The following SYNPR variants were observed in gnomAD, a reference collection of about 807,000 sequenced individuals.
SYNPR encodes synaptoporin.
A neutral mutation model predicts 32.9 loss-of-function variants in SYNPR; 23 were observed. The observed-to-expected ratio is 0.70, with a 90% CI of 0.50 to 0.99. SYNPR has a LOEUF of 0.99. Among genes scored for constraint, SYNPR ranks in the 50% least tolerant of loss-of-function variants. The pLI is 0.00. For missense variants in SYNPR, 318 were observed against 349.3 expected (o/e 0.91, Z 0.71); for synonymous variants, 146 against 135.9 (o/e 1.07, Z -0.52).
intron 2 of SYNPR, among the ~76,000 whole-genome samples, chr3:63,420,248 C>T (rs1699763689): frequency 6.6e-6 from 1 of 151,942 alleles, no homozygotes; most frequent in Admixed American, 6.6e-5. Context: ...GCATAAAATA[C>T]AGGAAAGGCC....
At chr3:63,422,527 T>A (rs1445706531) in intron 2 of SYNPR, among the ~76,000 whole-genome samples, 2 of 152,230 alleles carry the variant, frequency 1.3e-5, no homozygotes, top group African/African-American at 4.8e-5. Flanking sequence ...TATAAGCATT[T>A]CTTAAAATTC....
chr3:63,418,313 C>T (rs1475947592), intron 2 of SYNPR, among the ~76,000 whole-genome samples: 1 of 152,162 alleles, frequency 6.6e-6, no homozygotes, highest in Non-Finnish European at 1.5e-5. Context: ...GCCTAGATTT[C>T]ATTGTCCCTA....
chr3:63,396,250 C>T (rs2088211149), intron 2 of SYNPR, among the ~76,000 whole-genome samples: 2 of 152,180 alleles, frequency 1.3e-5, no homozygotes, highest in South Asian at 4.1e-4. Flanking sequence ...TCATCCATAT[C>T]ACAAGGTTCC....
At chr3:63,588,520 A>T (rs1466035443) in intron 4 of SYNPR, among the ~76,000 whole-genome samples, 2 of 152,042 alleles carry the variant, frequency 1.3e-5, no homozygotes, top group Non-Finnish European at 2.9e-5. Flanking sequence ...AGTCCCCAAA[A>T]TATTTCAGAA....
rs894629897 is a variant in SYNPR, at chr3:63,508,590, T to A, written c.209+27634T>A. On this transcript the variant is annotated intron_variant, in intron 3 of 5. Transcript: ENST00000478300. ...AAGACAAAACTCCCTAACTCAACCA[T>A]CAGAGCAGAAAGTGACTTCCTCCTG... Among the ~76,000 whole-genome samples, 3 of 152,102 alleles carry A rather than the reference T, an allele frequency of 2.0e-5. No individual in the cohort carries two copies. In the East Asian group the frequency reaches 5.8e-4, roughly 29 times the overall value.
At chr3:63,612,279 C>T (rs541152448) in intron 5 of SYNPR, among the ~76,000 whole-genome samples, 1 of 152,278 alleles carries the variant, frequency 6.6e-6, no homozygotes, top group African/African-American at 2.4e-5. Flanking sequence ...CAATACATGT[C>T]AACTGAAAAT....
chr3:63,309,999 A>C (rs1290085069), intron 2 of SYNPR, among the ~76,000 whole-genome samples: 2 of 150,956 alleles, frequency 1.3e-5, no homozygotes, highest in Non-Finnish European at 3.0e-5. Flanking sequence ...CTGTGTACCC[A>C]CTCTTCAGCC....
intron 2 of SYNPR, among the ~76,000 whole-genome samples, chr3:63,404,642 G>T (rs2088335978): frequency 6.6e-6 from 1 of 151,760 alleles, no homozygotes; most frequent in Admixed American, 6.6e-5. Flanking sequence ...CAAATAACTT[G>T]TATGATCATG....
intron 1 of SYNPR, among the ~76,000 whole-genome samples, chr3:63,249,469 T>C (rs527641646): frequency 3.3e-5 from 5 of 152,288 alleles, no homozygotes; most frequent in Non-Finnish European, 5.9e-5. Flanking sequence ...TTAAGCTATG[T>C]GGGCAAGGAT....
intron 4 of SYNPR, among the ~76,000 whole-genome samples, chr3:63,600,558 C>T (rs965130449): frequency 5.3e-5 from 8 of 151,902 alleles, no homozygotes; most frequent in Non-Finnish European, 1.2e-4. Flanking sequence ...AATCCCCTAA[C>T]TGCCATAATC....
chr3:63,578,742 T>A (rs1703036804), intron 4 of SYNPR, among the ~76,000 whole-genome samples: 1 of 152,120 alleles, frequency 6.6e-6, no homozygotes, highest in African/African-American at 2.4e-5. Context: ...ACAAGGTAAA[T>A]AGAGCCCAGA....
At chr3:63,613,827 A>C (rs1016812818) in intron 5 of SYNPR, among the ~76,000 whole-genome samples, 1 of 152,156 alleles carries the variant, frequency 6.6e-6, no homozygotes, top group Non-Finnish European at 1.5e-5. Context: ...AAACAAAAAC[A>C]AAAATGAAGT....
At chr3:63,376,154 A>G (rs750816221) in intron 2 of SYNPR, among the ~76,000 whole-genome samples, 5 of 152,116 alleles carry the variant, frequency 3.3e-5, no homozygotes, top group Non-Finnish European at 5.9e-5. Context: ...TCCTAGCCCA[A>G]ACCATTGCCA....
chr3:63,572,113 G>A (rs1206916062), intron 4 of SYNPR, among the ~76,000 whole-genome samples: 1 of 152,174 alleles, frequency 6.6e-6, no homozygotes, highest in Non-Finnish European at 1.5e-5. Context: ...ATACATCTGT[G>A]TGAGTGTTCT....
intron 1 of SYNPR, among the ~76,000 whole-genome samples, chr3:63,237,891 G>A (rs537301634): frequency 6.6e-6 from 1 of 152,012 alleles, no homozygotes; most frequent in Admixed American, 6.6e-5. Context: ...GGGAGGGTTG[G>A]AGCATCTAAG....
chr3:63,561,059 T>C (rs980373027), intron 4 of SYNPR, among the ~76,000 whole-genome samples: 3 of 152,226 alleles, frequency 2.0e-5, no homozygotes, highest in South Asian at 2.1e-4. Flanking sequence ...AACTACAAAA[T>C]TGCTGTATCA....
chr3:63,525,631 A>C (rs963064198), intron 3 of SYNPR, among the ~76,000 whole-genome samples: 1 of 152,186 alleles, frequency 6.6e-6, no homozygotes, highest in Non-Finnish European at 1.5e-5. Flanking sequence ...TTCCATAAAA[A>C]CATAAAGGCA....
intron 2 of SYNPR, among the ~76,000 whole-genome samples, chr3:63,291,407 G>T (rs935009570): frequency 1.3e-5 from 2 of 152,180 alleles, no homozygotes; most frequent in African/African-American, 2.4e-5. Context: ...GCTCGGTAAA[G>T]GTTGACTGTC....
At chr3:63,275,535 C>A (rs7637346), upstream of SYNPR, among the ~76,000 whole-genome samples, 97,630 of 152,004 alleles carry the variant, frequency 0.64, 31,713 homozygotes, top group South Asian at 0.73. Context: ...GTGAAGAGAG[C>A]CCTGAGGGAA....
Sources: allele counts gnomAD v4.1 joint callset (sites outside exome capture counted in the v4.1 genomes callset), GRCh38; gene constraint gnomAD v4.1.1; transcripts MANE v1.5; gene names NCBI Gene and HGNC (gene_info 2026-07-23, HGNC 2026-07-21).